The following CYP4F22 variants were observed in gnomAD, a reference collection of about 807,000 sequenced individuals.
CYP4F22 encodes the protein ultra-long-chain fatty acid omega-hydroxylase.
In CYP4F22, 37 loss-of-function variants were observed where a neutral mutation model predicts 60.4. The observed-to-expected ratio is 0.61, with a 90% CI of 0.47 to 0.81. The LOEUF (loss-of-function observed/expected upper bound fraction) is 0.81, where lower values mean the gene tolerates loss of function less well. Among genes scored for constraint, CYP4F22 ranks in the 30% least tolerant of loss-of-function variants. The pLI, the probability that CYP4F22 is intolerant of heterozygous loss-of-function variation, is 0.00. For missense variants in CYP4F22, 655 were observed against 715.0 expected (o/e 0.92, Z 0.96); for synonymous variants, 258 against 280.5 (o/e 0.92, Z 0.80).
At chr19:15,538,543 C>T (rs1045181836) in intron 7 of CYP4F22, among the ~76,000 whole-genome samples, 3 of 152,160 alleles carry the variant, frequency 2.0e-5, no homozygotes, top group Non-Finnish European at 4.4e-5. Context: ...ACGTGCCTGG[C>T]ACCATGATAT....
At chr19:15,511,747 A>G (rs2144492662) in intron 1 of CYP4F22, among the ~76,000 whole-genome samples, 1 of 152,272 alleles carries the variant, frequency 6.6e-6, no homozygotes, top group South Asian at 2.1e-4. Context: ...GCAGTTCAAG[A>G]AGAGGCATGT....
intron 10 of CYP4F22, among the ~76,000 whole-genome samples, chr19:15,547,410 G>A (rs1187967748): frequency 1.3e-5 from 2 of 152,004 alleles, no homozygotes; most frequent in Non-Finnish European, 2.9e-5. Context: ...CTGGCACCTC[G>A]CCTAGGTGCC....
chr19:15,540,364 G>C, intron 7 of CYP4F22, 86 bp from the exon 8 acceptor site: 2 of 1,515,888 alleles, frequency 1.3e-6, no homozygotes, highest in Non-Finnish European at 1.8e-6. Context: ...CTATTCAATG[G>C]GGACAGGAGG....
intron 1 of CYP4F22, among the ~76,000 whole-genome samples, chr19:15,509,904 C>CTTTCCTTCTTTCTTTCTTT (rs1555725971): frequency 2.3e-5 from 2 of 86,784 alleles, no homozygotes; most frequent in South Asian, 4.5e-4. Flanking sequence ...TTCCTTCCTT[C>CTTTCCTTCTTTCTTTCTTT]CTTTCTTTCT....
intron 4 of CYP4F22, among the ~76,000 whole-genome samples, chr19:15,532,343 C>T (rs997508920): frequency 6.7e-6 from 1 of 149,924 alleles, no homozygotes; most frequent in East Asian, 2.0e-4. Context: ...TCTTCTCCTC[C>T]CCATCCCCCT....
At chr19:15,518,349 C>T (rs556317355) in intron 1 of CYP4F22, among the ~76,000 whole-genome samples, 6 of 151,642 alleles carry the variant, frequency 4.0e-5, no homozygotes, top group East Asian at 1.9e-4. Flanking sequence ...AAAGAAAAAC[C>T]GTGATAAAAG....
chr19:15,537,560 T>C lies in CYP4F22; in HGVS notation c.447T>C (p.Gly149=), dbSNP rs114980833. ...WLGDGLLLSK[G]DKWSRHRRLL... Reference sequence around the variant, plus strand: ...GGGATGGGCTGCTGCTCAGCAAAGGTGACAAGTGGAGCCGGCACCGTCGCC... The same window carrying C: ...GGGATGGGCTGCTGCTCAGCAAAGGCGACAAGTGGAGCCGGCACCGTCGCC... The change falls in exon 6 of 14, where the codon GGT becomes GGC. Residue 149 remains glycine, a synonymous_variant. Transcript: ENST00000269703. 6,121 of 1,614,058 alleles carry C rather than the reference T, an allele frequency of 3.8e-3. 236 individuals carry two copies. In the African/African-American group the frequency reaches 0.074, roughly 20 times the overall value.
At chr19:15,542,493 C>T (rs1037230644) in intron 8 of CYP4F22, among the ~76,000 whole-genome samples, 6 of 152,080 alleles carry the variant, frequency 3.9e-5, no homozygotes, top group Admixed American at 2.0e-4. Flanking sequence ...GCCAAGATTG[C>T]GCCACTGCAC....
chr19:15,543,260 T>G (rs1053119680), intron 8 of CYP4F22, among the ~76,000 whole-genome samples: 1 of 152,148 alleles, frequency 6.6e-6, no homozygotes, highest in Non-Finnish European at 1.5e-5. Flanking sequence ...GGTGCAGTGA[T>G]GCGGTCATGG....
intron 10 of CYP4F22, among the ~76,000 whole-genome samples, chr19:15,547,762 G>A (rs1250138124): frequency 6.6e-6 from 1 of 151,662 alleles, no homozygotes; most frequent in Non-Finnish European, 1.5e-5. Flanking sequence ...GGCTGAGGTT[G>A]CAGTGACCCG....
intron 10 of CYP4F22, among the ~76,000 whole-genome samples, chr19:15,545,853 G>T (rs1350420561): frequency 6.6e-6 from 1 of 151,984 alleles, no homozygotes; most frequent in Non-Finnish European, 1.5e-5. Context: ...TAAACAAGTG[G>T]AGAAGATGTC....
At chr19:15,547,225 A>G (rs754543888) in intron 10 of CYP4F22, among the ~76,000 whole-genome samples, 3 of 151,154 alleles carry the variant, frequency 2.0e-5, no homozygotes, top group East Asian at 3.9e-4. Flanking sequence ...GGGTTTTGCT[A>G]TGTTGGCCAG....
Position 15,540,477 on chromosome 19 carries a change from C to A in CYP4F22, c.699C>A (p.Ile233=). 6.2e-7 allele frequency: 1 copy of A among 1,614,220 alleles called. No homozygotes were observed. Residue 233 remains isoleucine (I), a synonymous_variant, in exon 8 of 14, where the codon ATC becomes ATA. Transcript: ENST00000269703. ...AGATGAGTGATTATATCTCCGCTAT[C>A]ATTGAACTGAGCGCTCTGTCTGTCC... ...QEKMSDYISA[I]IELSALSVRR...
intron 1 of CYP4F22, among the ~76,000 whole-genome samples, chr19:15,509,576 C>T (rs545791868): frequency 6.6e-6 from 1 of 152,292 alleles, no homozygotes; most frequent in Admixed American, 6.5e-5. Flanking sequence ...TTCCCTACCA[C>T]CCTCATTTTA....
chr19:15,508,770 T>G (rs1397254177), intron 1 of CYP4F22, among the ~76,000 whole-genome samples, 187 bp downstream of exon 1: 1 of 150,360 alleles, frequency 6.7e-6, no homozygotes, highest in Non-Finnish European at 1.5e-5. Context: ...GGGGCACTCG[T>G]GGGGAGAGGG....
intron 1 of CYP4F22, among the ~76,000 whole-genome samples, chr19:15,520,188 C>CA (rs1350572573): frequency 4.6e-5 from 7 of 150,966 alleles, no homozygotes; most frequent in African/African-American, 1.2e-4. Context: ...ACTAAAAATA[C>CA]AAAAAAAATT....
intron 8 of CYP4F22, among the ~76,000 whole-genome samples, chr19:15,540,936 T>C (rs979485680): frequency 1.3e-5 from 2 of 151,896 alleles, no homozygotes; most frequent in African/African-American, 4.8e-5. Flanking sequence ...AACAAATAAG[T>C]TGGGTGTGGT....
intron 4 of CYP4F22, among the ~76,000 whole-genome samples, chr19:15,537,034 C>T (rs974984079): frequency 2.6e-5 from 4 of 152,122 alleles, no homozygotes; most frequent in African/African-American, 2.4e-5. Flanking sequence ...CACGATGGCT[C>T]GTGCTTGTAA....
rs760219298 is a variant in CYP4F22 at position 15,549,920 on chromosome 19, G to GATAT, written c.1335+718_1335+719insATAT. On this transcript the variant is annotated intron_variant, in intron 12 of 13. Coordinates refer to ENST00000269703, the MANE Select transcript of CYP4F22 (RefSeq NM_173483.4). ...CAGTTTGAGGCTGCAATGAGCTATG[G>GATAT]TTATTTATTTATTTATTTATTTGAG... Among the ~76,000 whole-genome samples, 8 of 152,074 alleles carry GATAT rather than the reference G, an allele frequency of 5.3e-5. No homozygotes were observed. In the East Asian group the frequency reaches 1.5e-3, roughly 29 times the overall value.
Sources: allele counts gnomAD v4.1 joint callset (sites outside exome capture counted in the v4.1 genomes callset), GRCh38; gene constraint gnomAD v4.1.1; transcripts MANE v1.5; gene names NCBI Gene and HGNC (gene_info 2026-07-23, HGNC 2026-07-21).